The following ZNF251 variants were observed in gnomAD, a reference collection of about 807,000 sequenced individuals.
The protein encoded by ZNF251 is zinc finger protein 251.
ZNF251 carries 14 observed loss-of-function variants against 13.5 expected under a neutral mutation model. The observed-to-expected ratio is 1.04, with a 90% CI of 0.69 to 1.63. The LOEUF (loss-of-function observed/expected upper bound fraction) is 1.63. Among genes scored for constraint, ZNF251 ranks in the 40% most tolerant of loss-of-function variants. The pLI is 0.00. For synonymous variants in ZNF251, 287 were observed against 295.2 expected (o/e 0.97, Z 0.28); for missense variants, 764 against 834.9 (o/e 0.92, Z 1.05).
At position 144,723,371 on chromosome 8, in the gene ZNF251, C is replaced by T; in HGVS notation, c.289G>A (p.Gly97Arg). 1 of 1,484,986 alleles carries T rather than the reference C, an allele frequency of 6.7e-7. No homozygotes were observed. The highest frequency in any genetic ancestry group is 2.3e-5 in the East Asian group (1 of 43,450). The allele number at this position is 1,484,986 out of a possible 1,614,324, so 92.0% of individuals were successfully genotyped here. ...LKSCQKDSEV[G>R]TKKELSILNQ... is the part of the protein sequence containing the mutation. ...AAAATAGATAGTTCCTTCTTGGTCC[C>T]AACCTCAGAATCTGTTAAAGAAAAA... The change falls in exon 5 of 5, where the codon GGG becomes AGG. Residue 97 changes from glycine (G) to arginine (R), a missense_variant. Physicochemically the swap from Gly to Arg is moderately radical, Grantham distance 125. Transcript: ENST00000292562.
At chr8:144,745,956 CTCT>C (rs1230603158) in intron 4 of ZNF251, among the ~76,000 whole-genome samples, 1 of 152,116 alleles carries the variant, frequency 6.6e-6, no homozygotes, top group Non-Finnish European at 1.5e-5. Flanking sequence ...ATTTATTTAG[CTCT>C]TCTTTGATAT....
At chr8:144,749,519 T>C (rs535304223) in intron 4 of ZNF251, among the ~76,000 whole-genome samples, 3 of 152,314 alleles carry the variant, frequency 2.0e-5, no homozygotes, top group South Asian at 4.1e-4. Flanking sequence ...AGGTGATTAC[T>C]GATGTTGCTG....
At chr8:144,728,870 C>A (rs1034637015) in intron 4 of ZNF251, among the ~76,000 whole-genome samples, 6 of 151,784 alleles carry the variant, frequency 4.0e-5, no homozygotes, top group African/African-American at 7.3e-5. Flanking sequence ...GGGCAGATCA[C>A]CTGAGGTCAG....
chr8:144,723,188 G>C lies in ZNF251; in HGVS notation c.472C>G (p.Pro158Ala). 1 of 1,612,260 alleles carries C rather than the reference G, an allele frequency of 6.2e-7. No individual in the cohort carries two copies. The highest frequency in any genetic ancestry group is 1.1e-5 in the South Asian group (1 of 90,932). ...GNSAGQSLNK[P>A]NIHKRVLTEA... ...GTTAAAACTCTCTTGTGAATATTGG[G>C]TTTGTTCAAACTCTGCCCGGCAGAA... Residue 158 changes from proline to alanine, a missense_variant, in exon 5 of 5, where the codon CCC becomes GCC. Pro to Ala is a conservative substitution (Grantham distance 27, BLOSUM62 -1). Transcript: ENST00000292562.
chr8:144,754,810 T>C lies in ZNF251; in HGVS notation c.-75-7A>G, dbSNP rs1483463644. Reference sequence around the variant, plus strand: ...GAAGTCTCCCCGAACTTACCTTCAGTGGGGAGAACTCAGGCTCAGCCCCAT... The same window carrying C: ...GAAGTCTCCCCGAACTTACCTTCAGCGGGGAGAACTCAGGCTCAGCCCCAT... On this transcript the variant is annotated splice_region_variant and splice_polypyrimidine_tract_variant and intron_variant, in intron 1 of 4. Transcript: ENST00000292562. 6.4e-7 allele frequency: 1 copy of C among 1,558,274 alleles called. No individual in the cohort carries two copies. The highest frequency in any genetic ancestry group is 2.4e-5 in the East Asian group (1 of 42,504).
At chr8:144,744,535 G>A (rs989111774) in intron 4 of ZNF251, among the ~76,000 whole-genome samples, 1 of 152,162 alleles carries the variant, frequency 6.6e-6, no homozygotes. Context: ...ATGTGATGAC[G>A]TTTGGAGATG....
intron 4 of ZNF251, among the ~76,000 whole-genome samples, chr8:144,735,958 CT>C (rs1427315750): frequency 6.6e-6 from 1 of 152,192 alleles, no homozygotes; most frequent in Non-Finnish European, 1.5e-5. Context: ...TCAACTGACC[CT>C]GGCCCCCCAC....
intron 4 of ZNF251, among the ~76,000 whole-genome samples, chr8:144,732,541 G>T (rs369848417): frequency 2.0e-5 from 3 of 152,184 alleles, no homozygotes; most frequent in Non-Finnish European, 4.4e-5. Flanking sequence ...AGCCGGGCGC[G>T]GTGGCTCACG....
intron 4 of ZNF251, among the ~76,000 whole-genome samples, chr8:144,736,430 AC>A (rs1823893254): frequency 6.7e-6 from 1 of 150,052 alleles, no homozygotes; most frequent in South Asian, 2.1e-4. Flanking sequence ...TCACGAACAA[AC>A]CCTCGGGAGT....
rs1563753336 is a variant in ZNF251 at position 144,722,444 on chromosome 8, C to T, written c.1216G>A (p.Val406Ile). The change falls in exon 5 of 5, where the codon GTA (valine) becomes ATA (isoleucine). Residue 406 changes from valine to isoleucine, a missense_variant. Transcript: ENST00000292562. This position sits in a 1 kb window ranked among gnomAD's most constrained non-coding sequence, Gnocchi z 4.8. ...HRVHTGEKPY[V>I]CNECGRAFGF... ...AAGGCTCTGCCGCATTCATTACATA[C>T]ATAGGGTTTCTCTCCAGTATGAACC... 6.2e-7 allele frequency: 1 copy of T among 1,613,908 alleles called. No individual in the cohort carries two copies.
intron 4 of ZNF251, among the ~76,000 whole-genome samples, chr8:144,728,991 G>A (rs1183407161): frequency 6.6e-6 from 1 of 151,138 alleles, no homozygotes; most frequent in Non-Finnish European, 1.5e-5. Context: ...GGGAGGCTGA[G>A]GCAGGAGAAT....
At chr8:144,726,997 A>G (rs1823537818) in intron 4 of ZNF251, among the ~76,000 whole-genome samples, 1 of 152,192 alleles carries the variant, frequency 6.6e-6, no homozygotes. Flanking sequence ...GACATTAGTC[A>G]GTTATGATGG....
At chr8:144,729,089 GAAA>G (rs770516433) in intron 4 of ZNF251, among the ~76,000 whole-genome samples, 2 of 91,614 alleles carry the variant, frequency 2.2e-5, no homozygotes, top group African/African-American at 3.9e-5. Context: ...TCCATCTATG[GAAA>G]AAAAAAAAAA....
intron 4 of ZNF251, among the ~76,000 whole-genome samples, chr8:144,724,707 TA>T (rs1823469181): frequency 6.6e-6 from 1 of 152,112 alleles, no homozygotes; most frequent in Admixed American, 6.6e-5. Flanking sequence ...TTAAACCCAG[TA>T]AAAACTATTC....
At chr8:144,735,216 T>C (rs1823842686) in intron 4 of ZNF251, among the ~76,000 whole-genome samples, 1 of 151,172 alleles carries the variant, frequency 6.6e-6, no homozygotes, top group Admixed American at 6.6e-5. Flanking sequence ...TAAAACCCCA[T>C]CTCTACTTAA....
chr8:144,754,922 A>G, intron 1 of ZNF251, 119 bp from the exon 2 acceptor site: 1 of 1,431,026 alleles, frequency 7.0e-7, no homozygotes, highest in South Asian at 1.5e-5. Flanking sequence ...GTCACTATGC[A>G]GCACGGGCCG....
chr8:144,721,497 A>C lies in ZNF251; in HGVS notation c.*147T>G, dbSNP rs1460454535. 2 of 824,254 alleles carry C rather than the reference A, an allele frequency of 2.4e-6. No individual in the cohort carries two copies. The highest frequency in any genetic ancestry group is 1.6e-6 in the Non-Finnish European group (1 of 613,294). The allele number at this position is 824,254 out of a possible 1,614,324, so 51.1% of individuals were successfully genotyped here. A position where few individuals can be genotyped will look rare whatever the true frequency, so the allele number is the denominator to read the frequency against. On this transcript the variant is annotated 3_prime_UTR_variant, in exon 5 of 5. Coordinates refer to ENST00000292562, the MANE Select transcript of ZNF251 (RefSeq NM_138367.2). ...AGAATGAATTCTCGTGTTTACTTCC[A>C]GATTTAATGACTTTGACTTTAGTAG...
intron 4 of ZNF251, among the ~76,000 whole-genome samples, chr8:144,732,006 G>A (rs1414045257): frequency 6.7e-6 from 1 of 148,752 alleles, no homozygotes; most frequent in Admixed American, 6.7e-5. Context: ...GCAATGATGC[G>A]ATCTCAACTC....
In ZNF251 at chr8:144,743,586, C is replaced by CA. The variant is rs561901842; in HGVS notation, c.277+10096dup. 1.8e-3 allele frequency among the ~76,000 whole-genome samples: 280 copies of CA among 152,292 alleles called. 3 individuals carry two copies. The highest frequency in any genetic ancestry group is 3.4e-4 in the Non-Finnish European group (23 of 68,030). On this transcript the variant is annotated intron_variant, in intron 4 of 4. Transcript: ENST00000292562. ...ATTCATTTGGGTAAATACAAAGGGA[C>CA]AAAACTGCTGGATCACATGGTAAAG...
Sources: allele counts gnomAD v4.1 joint callset (sites outside exome capture counted in the v4.1 genomes callset), GRCh38; gene constraint gnomAD v4.1.1; non-coding constraint Gnocchi (gnomAD v3.1); transcripts MANE v1.5; gene names NCBI Gene and HGNC (gene_info 2026-07-23, HGNC 2026-07-21).